Variants in ADAM32 observed in about 807,000 individuals in gnomAD.
ADAM32 encodes disintegrin and metalloproteinase domain-containing protein 32.
ADAM32 carries 89 observed loss-of-function variants against 114.9 expected under a neutral mutation model. The observed-to-expected ratio is 0.77, with a 90% CI of 0.65 to 0.92. The LOEUF (loss-of-function observed/expected upper bound fraction) is 0.92. Among genes scored for constraint, ADAM32 ranks in the 40% least tolerant of loss-of-function variants. The pLI is 0.00. For synonymous variants in ADAM32, 285 were observed against 307.5 expected (o/e 0.93, Z 0.77); for missense variants, 870 against 932.8 (o/e 0.93, Z 0.88).
At chr8:39,276,067 A>T in intron 22 of ADAM32, 1 of 444,268 alleles carries the variant, frequency 2.3e-6, no homozygotes. Flanking sequence ...TCTTTCCTGC[A>T]GTTTAGTTAA....
intron 22 of ADAM32, among the ~76,000 whole-genome samples, chr8:39,276,804 T>C (rs1813102292): frequency 6.6e-6 from 1 of 152,140 alleles, no homozygotes; most frequent in Non-Finnish European, 1.5e-5. Flanking sequence ...AGCAAGGGAG[T>C]TACCATATAG....
At chr8:39,177,663 A>G (rs969626170) in intron 10 of ADAM32, among the ~76,000 whole-genome samples, 3 of 152,080 alleles carry the variant, frequency 2.0e-5, no homozygotes, top group South Asian at 4.1e-4. Flanking sequence ...TTTCATTTCC[A>G]TATTTAATGC....
intron 21 of ADAM32, among the ~76,000 whole-genome samples, chr8:39,274,754 C>T (rs1213003019): frequency 6.6e-6 from 1 of 152,138 alleles, no homozygotes; most frequent in Non-Finnish European, 1.5e-5. Flanking sequence ...GGTGAAAATT[C>T]CTACAGCCTA....
chr8:39,218,302 G>A (rs1262652374), intron 12 of ADAM32, among the ~76,000 whole-genome samples: 3 of 152,166 alleles, frequency 2.0e-5, no homozygotes, highest in South Asian at 2.1e-4. Flanking sequence ...CTTAGATTGT[G>A]CTGGATCAGA....
At chr8:39,181,006 A>G (rs1048174864) in intron 10 of ADAM32, among the ~76,000 whole-genome samples, 3 of 152,072 alleles carry the variant, frequency 2.0e-5, no homozygotes, top group African/African-American at 7.2e-5. Flanking sequence ...TAGCTCAGGG[A>G]TTGTAAACGC....
At chr8:39,214,647 A>G (rs1439314696) in intron 12 of ADAM32, among the ~76,000 whole-genome samples, 2 of 151,968 alleles carry the variant, frequency 1.3e-5, no homozygotes, top group African/African-American at 4.8e-5. Flanking sequence ...TTGTGTCTTC[A>G]CTTTGTTGAT....
intron 11 of ADAM32, among the ~76,000 whole-genome samples, chr8:39,196,021 C>A (rs191869008): frequency 7.1e-4 from 108 of 152,072 alleles, no homozygotes; most frequent in African/African-American, 2.5e-3. Flanking sequence ...TTTTTTATAT[C>A]TCTGTTTCGT....
chr8:39,182,759 G>C (rs1455022327), intron 10 of ADAM32, among the ~76,000 whole-genome samples: 2 of 152,146 alleles, frequency 1.3e-5, no homozygotes, highest in Non-Finnish European at 2.9e-5. Flanking sequence ...GTTTCTTTCT[G>C]TGATGTCATA....
chr8:39,194,649 G>C (rs1228196897), intron 11 of ADAM32, among the ~76,000 whole-genome samples: 1 of 152,098 alleles, frequency 6.6e-6, no homozygotes, highest in Non-Finnish European at 1.5e-5. Context: ...TATCCTCCCT[G>C]GGCAACTGAG....
At chr8:39,142,017 T>C (rs189166371) in intron 3 of ADAM32, among the ~76,000 whole-genome samples, 1 of 152,056 alleles carries the variant, frequency 6.6e-6, no homozygotes, top group East Asian at 1.9e-4. Context: ...TGCAACCCCT[T>C]CTTTTTCTTT....
intron 3 of ADAM32, among the ~76,000 whole-genome samples, chr8:39,145,126 A>G (rs1337955239): frequency 2.0e-5 from 3 of 152,238 alleles, no homozygotes; most frequent in African/African-American, 7.2e-5. Context: ...AAAGATCTGT[A>G]TACTGAGAGC....
At chr8:39,247,693 G>A (rs959150566) in intron 17 of ADAM32, among the ~76,000 whole-genome samples, 4 of 151,034 alleles carry the variant, frequency 2.6e-5, no homozygotes, top group Non-Finnish European at 5.9e-5. Flanking sequence ...AATTTTATGA[G>A]GCCCAGCTTC....
At chr8:39,258,491 A>G (rs955158786) in intron 19 of ADAM32, among the ~76,000 whole-genome samples, 2 of 152,122 alleles carry the variant, frequency 1.3e-5, no homozygotes, top group African/African-American at 4.8e-5. Context: ...TCTTGTTTAA[A>G]TAATGAATCA....
intron 7 of ADAM32, among the ~76,000 whole-genome samples, chr8:39,161,313 G>C (rs1243281062): frequency 6.6e-6 from 1 of 152,168 alleles, no homozygotes; most frequent in Non-Finnish European, 1.5e-5. Context: ...ATGTAGTCTA[G>C]GGAACATTCC....
At chr8:39,252,768 G>C (rs1811386034) in intron 17 of ADAM32, among the ~76,000 whole-genome samples, 2 of 151,532 alleles carry the variant, frequency 1.3e-5, no homozygotes, top group Non-Finnish European at 3.0e-5. Context: ...TTTTTAAGAA[G>C]ATACTGTGGT....
At chr8:39,131,930 G>T in intron 2 of ADAM32, 1 of 216,634 alleles carries the variant, frequency 4.6e-6, no homozygotes. Context: ...TTTCGCTCTT[G>T]TCGCTCAGGC....
chr8:39,116,737 T>G (rs546124328), intron 1 of ADAM32, among the ~76,000 whole-genome samples: 4 of 152,312 alleles, frequency 2.6e-5, no homozygotes, highest in African/African-American at 9.6e-5. Flanking sequence ...TTTCTTTCTC[T>G]TGCCTGATTG....
intron 9 of ADAM32, chr8:39,166,378 C>T (rs1345928997): frequency 2.0e-5 from 3 of 152,190 alleles, no homozygotes; most frequent in African/African-American, 7.2e-5. Flanking sequence ...TCAATTCATT[C>T]CTTTTTATGG....
chr8:39,270,738 G>A (rs2129451292), intron 19 of ADAM32, 138 bp from the exon 20 acceptor site: 3 of 701,674 alleles, frequency 4.3e-6, no homozygotes, highest in Non-Finnish European at 7.3e-6. Context: ...TGTGTTCATT[G>A]ACCTTTGGAC....
Sources: gnomAD v4.1 joint callset for allele counts (sites outside exome capture counted in the v4.1 genomes callset) on GRCh38, gnomAD v4.1.1 for gene constraint, MANE v1.5 for transcripts, NCBI Gene and HGNC (gene_info 2026-07-23, HGNC 2026-07-21) for gene names.